Variants in PVT1 observed in about 807,000 individuals in gnomAD.
PVT1 encodes the protein CXCR4/PVT1 fusion.
intron 4 of PVT1, among the ~76,000 whole-genome samples, chr8:128,001,703 T>C (rs1817178838): frequency 6.6e-6 from 1 of 152,218 alleles, no homozygotes; most frequent in African/African-American, 2.4e-5. Context: ...CTGGGTGGTT[T>C]ACAAACAACA....
intron 3 of PVT1, among the ~76,000 whole-genome samples, chr8:127,904,188 C>T (rs1294317328): frequency 2.6e-5 from 4 of 152,118 alleles, no homozygotes; most frequent in Admixed American, 2.6e-4. Context: ...GTGTATGAAG[C>T]CCTGTTTTCT....
intron 2 of PVT1, among the ~76,000 whole-genome samples, chr8:127,882,698 G>T (rs1320005798): frequency 6.6e-6 from 1 of 152,088 alleles, no homozygotes; most frequent in African/African-American, 2.4e-5. Flanking sequence ...TGGCCAGTCT[G>T]GTCTCGAACT....
chr8:127,831,155 C>CTA (rs61121608), intron 2 of PVT1, among the ~76,000 whole-genome samples: 19,325 of 148,014 alleles, frequency 0.13, 1,389 homozygotes, highest in African/African-American at 0.19. Flanking sequence ...CTCTCTCTCT[C>CTA]TATATATATA....
At chr8:127,892,224 C>A (rs1395556874) in intron 3 of PVT1, among the ~76,000 whole-genome samples, 1 of 152,216 alleles carries the variant, frequency 6.6e-6, no homozygotes, top group Non-Finnish European at 1.5e-5. Flanking sequence ...ATGCTGTTCT[C>A]ACCCATAGCT....
intron 2 of PVT1, among the ~76,000 whole-genome samples, chr8:127,821,173 G>A (rs948144174): frequency 6.6e-6 from 1 of 152,140 alleles, no homozygotes; most frequent in Non-Finnish European, 1.5e-5. Context: ...GATCAAGCCC[G>A]TCCGCATTTT....
chr8:127,858,551 A>G (rs1815185751), intron 2 of PVT1, among the ~76,000 whole-genome samples: 1 of 152,030 alleles, frequency 6.6e-6, no homozygotes, highest in Admixed American at 6.5e-5. Flanking sequence ...TTGAAAACAG[A>G]CATCTTAAAT....
At chr8:127,837,920 G>A (rs565827642) in intron 2 of PVT1, among the ~76,000 whole-genome samples, 3 of 149,480 alleles carry the variant, frequency 2.0e-5, no homozygotes, top group South Asian at 2.1e-4. Flanking sequence ...TTTTTGAGGC[G>A]GAGTTTCACT....
rs1234100336 is a variant in PVT1, at chr8:127,797,968, T to G, written n.372+1897T>G. On this transcript the variant is annotated intron_variant and non_coding_transcript_variant, in intron 2 of 10. Transcript: ENST00000651587. ...GAGATTTGGACCACAGTCTTCGACT[T>G]CTTAGTGTGACTCTCAGAAGTTAGA... is the stretch of plus-strand genomic sequence containing the variant. Among the ~76,000 whole-genome samples the G allele has an allele frequency of 2.0e-5, 3 of 152,196 alleles. No homozygotes were observed. The East Asian group carries it at 5.8e-4, about 29-fold the overall frequency.
intron 4 of PVT1, among the ~76,000 whole-genome samples, chr8:128,052,354 G>A (rs1813708640): frequency 6.6e-6 from 1 of 152,156 alleles, no homozygotes; most frequent in Non-Finnish European, 1.5e-5. Flanking sequence ...TCCACATGAA[G>A]GGTTTCTCTC....
chr8:127,876,868 C>T (rs1360990507), intron 2 of PVT1, among the ~76,000 whole-genome samples: 1 of 152,198 alleles, frequency 6.6e-6, no homozygotes. Flanking sequence ...TACCCAGAAT[C>T]CTTGGGCAAG....
chr8:127,801,424 A>G (rs1814464222), intron 2 of PVT1, among the ~76,000 whole-genome samples: 1 of 152,010 alleles, frequency 6.6e-6, no homozygotes. Flanking sequence ...TTATTTTTGT[A>G]GAGATGGGGT....
intron 2 of PVT1, among the ~76,000 whole-genome samples, chr8:127,820,772 C>G (rs981928884): frequency 6.6e-6 from 1 of 151,842 alleles, no homozygotes; most frequent in Non-Finnish European, 1.5e-5. Flanking sequence ...TGCAGTGGCG[C>G]GATCTTGGCT....
intron 5 of PVT1, among the ~76,000 whole-genome samples, chr8:128,087,207 A>G (rs775476824): frequency 6.6e-6 from 1 of 152,188 alleles, no homozygotes; most frequent in Non-Finnish European, 1.5e-5. Context: ...CACAGCTCAG[A>G]TGTGACAAAA....
intron 3 of PVT1, among the ~76,000 whole-genome samples, chr8:127,926,961 C>A (rs1039237575): frequency 6.6e-6 from 1 of 152,202 alleles, no homozygotes; most frequent in Admixed American, 6.5e-5. Context: ...ACTGTTCCCC[C>A]CTTCCTTCCC....
chr8:127,872,114 C>A (rs1326467095), intron 2 of PVT1, among the ~76,000 whole-genome samples: 1 of 147,386 alleles, frequency 6.8e-6, no homozygotes, highest in Non-Finnish European at 1.5e-5. Flanking sequence ...AACAAAAGAA[C>A]CCTCAAAAAA....
intron 2 of PVT1, chr8:127,854,919 C>G (rs958296399): frequency 2.7e-6 from 1 of 367,276 alleles, no homozygotes; most frequent in African/African-American, 2.1e-5. Context: ...GAATTCTTGT[C>G]CTGACCCAAA....
intron 2 of PVT1, among the ~76,000 whole-genome samples, chr8:127,856,298 G>A (rs1345724999): frequency 2.6e-5 from 4 of 152,066 alleles, no homozygotes; most frequent in African/African-American, 7.2e-5. Flanking sequence ...TAGACACTGC[G>A]TGGCAGGCCT....
intron 2 of PVT1, among the ~76,000 whole-genome samples, chr8:127,839,107 C>T (rs1263270126): frequency 6.6e-6 from 1 of 152,128 alleles, no homozygotes; most frequent in Non-Finnish European, 1.5e-5. Flanking sequence ...CTGTAATGTT[C>T]GCACAACGAA....
At chr8:127,828,368 A>T (rs1376022405) in intron 2 of PVT1, among the ~76,000 whole-genome samples, 3 of 152,140 alleles carry the variant, frequency 2.0e-5, no homozygotes, top group South Asian at 2.1e-4. Context: ...AATAACAACA[A>T]CAATAATTAG....
Sources: allele counts gnomAD v4.1 joint callset (sites outside exome capture counted in the v4.1 genomes callset), GRCh38; gene constraint gnomAD v4.1.1; transcripts MANE v1.5; gene names NCBI Gene and HGNC (gene_info 2026-07-23, HGNC 2026-07-21).